CBFA2T2: variants seen among roughly 807,000 people sequenced by gnomAD.
The protein encoded by CBFA2T2 is protein CBFA2T2.
Under a neutral mutation model 62.2 loss-of-function variants are expected in CBFA2T2, and 11 were observed. The ratio of observed to expected loss-of-function variants is 0.18; its 90% CI spans 0.11 to 0.29. CBFA2T2 has a LOEUF of 0.29. CBFA2T2 is among the 10% of genes least tolerant of loss of function. CBFA2T2 has a pLI of 1.00. For missense variants in CBFA2T2, 592 were observed against 774.1 expected, an observed-to-expected ratio of 0.76 and a Z score of 2.79; for synonymous variants, 295 against 287.5, an observed-to-expected ratio of 1.03 and a Z score of -0.27.
chr20:33,641,626 G>A (rs1183101996), intron 10 of CBFA2T2, among the ~76,000 whole-genome samples: 2 of 151,952 alleles, frequency 1.3e-5, no homozygotes, highest in Admixed American at 6.6e-5. Flanking sequence ...CTCTGTCACC[G>A]AGGCTGGAGT....
intron 1 of CBFA2T2, chr20:33,601,837 C>T (rs1042071219): frequency 6.7e-6 from 1 of 150,214 alleles, no homozygotes; most frequent in Admixed American, 6.6e-5. Context: ...CAGGGTCTCA[C>T]CCTGTCACTC....
chr20:33,501,099 G>T (rs1200095808), intron 1 of CBFA2T2, among the ~76,000 whole-genome samples: 1 of 152,178 alleles, frequency 6.6e-6, no homozygotes, highest in Non-Finnish European at 1.5e-5. Flanking sequence ...AGAAATCAAA[G>T]TATAAATTCA....
Position 33,645,247 on chromosome 20 carries a change from C to T in CBFA2T2, c.*601C>T, listed in dbSNP as rs948547533. The T allele has an allele frequency of 7.1e-6, 1 of 140,522 alleles. No individual in the cohort carries two copies. The highest frequency in any genetic ancestry group is 2.2e-4 in the South Asian group (1 of 4,612). 8.7% of individuals were successfully genotyped at this position (140,522 alleles called of 1,614,324 possible). A position where few individuals can be genotyped will look rare whatever the true frequency, so the allele number is the denominator to read the frequency against. On this transcript the variant is annotated 3_prime_UTR_variant, in exon 11 of 11. Coordinates refer to ENST00000342704, the MANE Select transcript of CBFA2T2 (RefSeq NM_001032999.3). The stretch of plus-strand genomic sequence containing the variant: ...AAGTCACTGTTGCAATAAAAGCACC[C>T]GTAGTAGCAAAAACATAAAACAAAT...
At chr20:33,580,350 G>A (rs1233161007) in intron 1 of CBFA2T2, among the ~76,000 whole-genome samples, 1 of 152,116 alleles carries the variant, frequency 6.6e-6, no homozygotes, top group East Asian at 1.9e-4. Context: ...TATGTACTAT[G>A]TACTATGTTC....
At chr20:33,597,223 T>A (rs1173787993) in intron 1 of CBFA2T2, among the ~76,000 whole-genome samples, 8 of 152,174 alleles carry the variant, frequency 5.3e-5, no homozygotes, top group Admixed American at 1.3e-4. Flanking sequence ...TGAGCCACTG[T>A]ACCCGGCCTT....
chr20:33,564,471 G>A (rs1175221483), intron 1 of CBFA2T2, among the ~76,000 whole-genome samples: 4 of 151,826 alleles, frequency 2.6e-5, no homozygotes, highest in Admixed American at 2.6e-4. Context: ...TGGTCAGGCT[G>A]GTCTTGAACT....
At chr20:33,562,470 T>C in intron 1 of CBFA2T2, 1 of 985,820 alleles carries the variant, frequency 1.0e-6, no homozygotes, top group Non-Finnish European at 1.2e-6. Flanking sequence ...TGTGTTTCCC[T>C]GGAATGGGAC....
chr20:33,514,536 G>A (rs2011567903), intron 1 of CBFA2T2, among the ~76,000 whole-genome samples: 1 of 151,958 alleles, frequency 6.6e-6, no homozygotes, highest in Non-Finnish European at 1.5e-5. Context: ...AGGGGATGGA[G>A]CGAAAAGCTG....
chr20:33,535,254 G>A (rs2012173737), intron 1 of CBFA2T2, among the ~76,000 whole-genome samples: 1 of 152,054 alleles, frequency 6.6e-6, no homozygotes, highest in South Asian at 2.1e-4. Context: ...GTTTAGTTGG[G>A]GCTACATAGA....
intron 1 of CBFA2T2, among the ~76,000 whole-genome samples, chr20:33,514,886 G>C (rs959127692): frequency 6.6e-6 from 1 of 151,538 alleles, no homozygotes; most frequent in African/African-American, 2.4e-5. Flanking sequence ...TAGAGATGGG[G>C]TTTCACTGTG....
chr20:33,633,630 A>G (rs1489065393), intron 8 of CBFA2T2, among the ~76,000 whole-genome samples: 4 of 152,218 alleles, frequency 2.6e-5, no homozygotes, highest in Non-Finnish European at 4.4e-5. Context: ...TAAAGGATGC[A>G]TAAATAAGTG....
chr20:33,581,504 G>A (rs1349610843), intron 1 of CBFA2T2, among the ~76,000 whole-genome samples: 2 of 151,478 alleles, frequency 1.3e-5, no homozygotes, highest in Non-Finnish European at 2.9e-5. Context: ...GTGTGTGTCT[G>A]TGTGTTTGTC....
chr20:33,502,391 G>C (rs1375039871), intron 1 of CBFA2T2, among the ~76,000 whole-genome samples: 1 of 151,836 alleles, frequency 6.6e-6, no homozygotes, highest in Non-Finnish European at 1.5e-5. Flanking sequence ...CTTAGTTTCT[G>C]CTCTTCATTT....
At chr20:33,555,338 GT>G (rs2012866383) in intron 1 of CBFA2T2, among the ~76,000 whole-genome samples, 1 of 151,966 alleles carries the variant, frequency 6.6e-6, no homozygotes, top group South Asian at 2.1e-4. Context: ...AGAAGAGACC[GT>G]CATGAATGGG....
chr20:33,529,692 A>C lies in CBFA2T2; in HGVS notation c.34+39391A>C, dbSNP rs2011989202. ...TCTTTAAAAAAACAAACAAAAAAAA[A>C]CTAGGCATAAGATTACTTCTAGTGT... On this transcript the variant is annotated intron_variant, in intron 1 of 10. Coordinates refer to ENST00000342704, the MANE Select transcript of CBFA2T2 (RefSeq NM_001032999.3). Among the ~76,000 whole-genome samples, 6 of 150,514 alleles carry C rather than the reference A, an allele frequency of 4.0e-5. 1 individual carries two copies. In the South Asian group the frequency reaches 1.3e-3, roughly 32 times the overall value.
chr20:33,519,840 A>G (rs1890676516), intron 1 of CBFA2T2, among the ~76,000 whole-genome samples: 1 of 152,070 alleles, frequency 6.6e-6, no homozygotes, highest in Non-Finnish European at 1.5e-5. Context: ...AAACCTGACA[A>G]AGACCATCTA....
chr20:33,631,451 A>G (rs1480563409), intron 8 of CBFA2T2, among the ~76,000 whole-genome samples: 3 of 152,226 alleles, frequency 2.0e-5, no homozygotes, highest in African/African-American at 7.2e-5. Context: ...GTTTACACCC[A>G]AGCCATACCT....
intron 4 of CBFA2T2, 113 bp downstream of exon 4, chr20:33,619,719 T>G (rs1407559480): frequency 9.8e-6 from 7 of 711,628 alleles, no homozygotes; most frequent in East Asian, 3.0e-5. Context: ...ATCTTTATTT[T>G]GGGCTGGTAG....
At chr20:33,548,772 A>G (rs1333499646) in intron 1 of CBFA2T2, among the ~76,000 whole-genome samples, 5 of 152,162 alleles carry the variant, frequency 3.3e-5, no homozygotes, top group Admixed American at 6.5e-5. Flanking sequence ...TGTGGGCAAC[A>G]TAGTGAAACC....
Sources: allele counts gnomAD v4.1 joint callset (sites outside exome capture counted in the v4.1 genomes callset), GRCh38; gene constraint gnomAD v4.1.1; transcripts MANE v1.5; gene names NCBI Gene and HGNC (gene_info 2026-07-23, HGNC 2026-07-21).